The following KIF6 variants were observed in gnomAD, a reference collection of about 807,000 sequenced individuals.
The protein encoded by KIF6 is kinesin family member 6.
A neutral mutation model predicts 112.7 loss-of-function variants in KIF6; 106 were observed. The observed-to-expected ratio is 0.94, with a 90% CI of 0.80 to 1.11. The LOEUF (loss-of-function observed/expected upper bound fraction) is 1.11, where lower values mean the gene tolerates loss of function less well. KIF6 is among the 50% of genes least tolerant of loss of function. KIF6 has a pLI of 0.00. For synonymous variants in KIF6, 339 were observed against 339.9 expected (o/e 1.00, Z 0.03); for missense variants, 929 against 964.0 (o/e 0.96, Z 0.48).
intron 13 of KIF6, among the ~76,000 whole-genome samples, chr6:39,440,969 G>A (rs922696819): frequency 6.6e-6 from 1 of 152,148 alleles, no homozygotes; most frequent in Non-Finnish European, 1.5e-5. Context: ...ATGGAATGGG[G>A]TTGGGGGCTA....
At chr6:39,640,182 C>T (rs1784832886) in intron 3 of KIF6, among the ~76,000 whole-genome samples, 1 of 152,206 alleles carries the variant, frequency 6.6e-6, no homozygotes, top group East Asian at 1.9e-4. Flanking sequence ...TGCTTGCCAC[C>T]ATATACCTTG....
At chr6:39,601,172 C>A (rs1782550699) in intron 6 of KIF6, among the ~76,000 whole-genome samples, 1 of 152,018 alleles carries the variant, frequency 6.6e-6, no homozygotes, top group Non-Finnish European at 1.5e-5. Context: ...ATAATGTTCC[C>A]AAAACAACTG....
At chr6:39,393,621 T>A (rs1768047300) in intron 15 of KIF6, among the ~76,000 whole-genome samples, 1 of 152,196 alleles carries the variant, frequency 6.6e-6, no homozygotes. Flanking sequence ...TCTGTGTGTA[T>A]GTGTATGTGT....
intron 16 of KIF6, among the ~76,000 whole-genome samples, chr6:39,370,249 G>A (rs562741337): frequency 6.6e-6 from 1 of 152,296 alleles, no homozygotes; most frequent in Non-Finnish European, 1.5e-5. Flanking sequence ...CAGCCAGGGG[G>A]CAGTGTTCTC....
chr6:39,460,732 A>C (rs2150422420), intron 13 of KIF6, among the ~76,000 whole-genome samples: 1 of 152,264 alleles, frequency 6.6e-6, no homozygotes, highest in African/African-American at 2.4e-5. Flanking sequence ...CTAAATTGCC[A>C]CTTGAATGTG....
Position 39,482,006 on chromosome 6 carries a change from GCACACACA to G in KIF6, c.1646-50853_1646-50846del, listed in dbSNP as rs143093562. ...GAGATAAAGACAACGGGACCTTTAG[GCACACACA>G]CACACACACACACACACACACACAC... On this transcript the variant is annotated intron_variant, in intron 13 of 22. Coordinates refer to ENST00000287152, the MANE Select transcript of KIF6 (RefSeq NM_145027.6). Among the ~76,000 whole-genome samples the G allele has an allele frequency of 2.3e-3, 323 of 141,238 alleles. 1 individual carries two copies. The highest frequency in any genetic ancestry group is 7.5e-3 in the African/African-American group (287 of 38,456). The allele number at this position is 141,238 out of a possible 152,430, so 92.7% of individuals were successfully genotyped here.
At chr6:39,381,881 G>A (rs990462209) in intron 16 of KIF6, among the ~76,000 whole-genome samples, 1 of 152,208 alleles carries the variant, frequency 6.6e-6, no homozygotes, top group South Asian at 2.1e-4. Flanking sequence ...AAAGCTAGGC[G>A]CTACTGAACC....
intron 15 of KIF6, among the ~76,000 whole-genome samples, chr6:39,385,984 C>A (rs1767383435): frequency 1.3e-5 from 2 of 152,122 alleles, no homozygotes; most frequent in African/African-American, 4.8e-5. Context: ...TTAAATGGTT[C>A]TTTCTATTAT....
At chr6:39,647,338 T>G (rs1785219645) in intron 3 of KIF6, among the ~76,000 whole-genome samples, 1 of 152,150 alleles carries the variant, frequency 6.6e-6, no homozygotes, top group African/African-American at 2.4e-5. Context: ...TTAGTCCCTC[T>G]TATGGTAATA....
intron 3 of KIF6, among the ~76,000 whole-genome samples, chr6:39,680,544 C>T (rs1787453703): frequency 6.6e-6 from 1 of 152,114 alleles, no homozygotes; most frequent in South Asian, 2.1e-4. Flanking sequence ...GGTCAGCTAC[C>T]TTTCTCACAG....
intron 2 of KIF6, among the ~76,000 whole-genome samples, 157 bp downstream of exon 2, chr6:39,720,545 A>G (rs1184146444): frequency 2.0e-5 from 3 of 152,186 alleles, no homozygotes; most frequent in African/African-American, 4.8e-5. Context: ...CACAGCAGTG[A>G]AAAGGCAACT....
Position 39,564,473 on chromosome 6 carries a change from G to A in KIF6, c.1181+13583C>T, listed in dbSNP as rs143484461. ...TTTCAAGAACTAGGACTAATTATTTGCTAGGCAATCAGGGCAGGCTGAGAT... is the reference window on the plus strand; with the variant it reads ...TTTCAAGAACTAGGACTAATTATTTACTAGGCAATCAGGGCAGGCTGAGAT... On this transcript the variant is annotated intron_variant, in intron 10 of 22. Transcript: ENST00000287152. Among the ~76,000 whole-genome samples the A allele has an allele frequency of 9.0e-3, 1,365 of 152,244 alleles. 26 individuals are homozygous for A. The highest frequency in any genetic ancestry group is 0.031 in the African/African-American group (1,279 of 41,524).
intron 13 of KIF6, among the ~76,000 whole-genome samples, chr6:39,534,407 T>A (rs1182812921): frequency 7.2e-5 from 11 of 152,012 alleles, no homozygotes; most frequent in African/African-American, 2.4e-4. Context: ...CAGAACTACA[T>A]GAAGAATGCA....
At chr6:39,486,446 A>C (rs1030018719) in intron 13 of KIF6, among the ~76,000 whole-genome samples, 6 of 152,168 alleles carry the variant, frequency 3.9e-5, no homozygotes, top group Non-Finnish European at 8.8e-5. Flanking sequence ...ACTCCATTGG[A>C]TGTCACGTGG....
At chr6:39,716,158 T>A (rs1420194558) in intron 2 of KIF6, among the ~76,000 whole-genome samples, 1 of 152,202 alleles carries the variant, frequency 6.6e-6, no homozygotes, top group East Asian at 1.9e-4. Context: ...ACACACAGAA[T>A]ATCTTCTGAA....
At chr6:39,680,448 C>A (rs1010507893) in intron 3 of KIF6, among the ~76,000 whole-genome samples, 1 of 152,184 alleles carries the variant, frequency 6.6e-6, no homozygotes, top group African/African-American at 2.4e-5. Context: ...GATAGGCCTT[C>A]AAACAACTTA....
intron 5 of KIF6, among the ~76,000 whole-genome samples, chr6:39,620,650 G>GTTAA (rs1262533168): frequency 6.6e-6 from 1 of 152,136 alleles, no homozygotes; most frequent in Non-Finnish European, 1.5e-5. Flanking sequence ...AATGTGGTAT[G>GTTAA]TTAATATATT....
At chr6:39,489,439 T>C (rs1469015914) in intron 13 of KIF6, among the ~76,000 whole-genome samples, 1 of 152,138 alleles carries the variant, frequency 6.6e-6, no homozygotes, top group African/African-American at 2.4e-5. Flanking sequence ...TAATAAATCA[T>C]CTTGGGTTAC....
At chr6:39,510,759 T>A (rs1244049582) in intron 13 of KIF6, among the ~76,000 whole-genome samples, 1 of 146,620 alleles carries the variant, frequency 6.8e-6, no homozygotes, top group Non-Finnish European at 1.5e-5. Flanking sequence ...GCAAATTGGA[T>A]AAAGAGTCAA....
Sources: gnomAD v4.1 joint callset for allele counts (sites outside exome capture counted in the v4.1 genomes callset) on GRCh38, gnomAD v4.1.1 for gene constraint, MANE v1.5 for transcripts, NCBI Gene and HGNC (gene_info 2026-07-23, HGNC 2026-07-21) for gene names.